CRAMP1: variants seen among roughly 807,000 people sequenced by gnomAD.
CRAMP1 encodes cramped chromatin regulator 1.
In CRAMP1, 50 loss-of-function variants were observed where a neutral mutation model predicts 115.4. The ratio of observed to expected loss-of-function variants is 0.43; its 90% CI spans 0.35 to 0.55. The LOEUF is 0.55. CRAMP1 is among the 20% of genes least tolerant of loss of function. The pLI is 0.01. For missense variants in CRAMP1, 1,679 were observed against 1,721.7 expected (o/e 0.98, Z 0.44); for synonymous variants, 866 against 745.4 (o/e 1.16, Z -2.64).
In CRAMP1 at chr16:1,653,133, C is replaced by T; in HGVS notation, c.1014C>T (p.Ser338=). Residue 338 remains serine, a synonymous_variant, in exon 8 of 21, where the codon AGC becomes AGT. Coordinates refer to ENST00000397412, the MANE Select transcript of CRAMP1 (RefSeq NM_020825.4). ...RNNHAWARVQ[S]LAQNPRLRMI... is the part of the protein sequence containing the mutation. The stretch of plus-strand genomic sequence containing the variant: ...ACCACGCCTGGGCCCGTGTGCAGAG[C>T]CTTGCCCAGAACCCACGCCTCAGGT... 1 of 1,610,430 alleles carries T rather than the reference C, an allele frequency of 6.2e-7. No homozygotes were observed. Among genetic ancestry groups the T allele is most frequent in the South Asian group, 1.1e-5 (1 of 90,286 alleles).
rs1005767706 is a variant in CRAMP1 at position 1,614,604 on chromosome 16, C to T, written c.-1-35C>T. 9 of 1,201,806 alleles carry T rather than the reference C, an allele frequency of 7.5e-6. No individual in the cohort carries two copies. Among genetic ancestry groups the T allele is most frequent in the Non-Finnish European group, 9.4e-6 (9 of 959,790 alleles). The allele number at this position is 1,201,806 out of a possible 1,614,324, so 74.4% of individuals were successfully genotyped here. ...GCCGCTAAACTTCCCGGCCTGCGCC[C>T]GCCTCACCGGCCGCCTCCCCTCTCC... On this transcript the variant is annotated intron_variant, in intron 1 of 20. Coordinates refer to ENST00000397412, the MANE Select transcript of CRAMP1 (RefSeq NM_020825.4). The surrounding 1 kb of genome is among the most constrained non-coding windows in gnomAD (Gnocchi z 4.4).
rs1326132020 is a variant in CRAMP1 at position 1,671,264 on chromosome 16, T to C, written c.3645+455T>C. Among the ~76,000 whole-genome samples, 1 of 152,180 alleles carries C rather than the reference T, an allele frequency of 6.6e-6. No individual in the cohort carries two copies. Among genetic ancestry groups the C allele is most frequent in the Non-Finnish European group, 1.5e-5 (1 of 68,028 alleles). On this transcript the variant is annotated intron_variant, in intron 20 of 20. Coordinates refer to ENST00000397412, the MANE Select transcript of CRAMP1 (RefSeq NM_020825.4). This position sits in a 1 kb window ranked among gnomAD's most constrained non-coding sequence, Gnocchi z 5.0. ...GTGGCATCTCCCTGTCATGTTGAGC[T>C]GCGGTGCAGGGGAACTGGGATGGGC...
At chr16:1,628,644 G>A (rs1319819531) in intron 3 of CRAMP1, among the ~76,000 whole-genome samples, 1 of 152,230 alleles carries the variant, frequency 6.6e-6, no homozygotes, top group Non-Finnish European at 1.5e-5. Flanking sequence ...CCGGTGGCAG[G>A]TGTGACTGTG....
intron 4 of CRAMP1, among the ~76,000 whole-genome samples, chr16:1,637,546 T>A (rs2036598435): frequency 6.6e-6 from 1 of 152,224 alleles, no homozygotes; most frequent in Non-Finnish European, 1.5e-5. Context: ...TACCAGCTGT[T>A]CTGAGTGTTG....
intron 3 of CRAMP1, among the ~76,000 whole-genome samples, chr16:1,630,255 G>A (rs978697578): frequency 1.3e-5 from 2 of 151,882 alleles, no homozygotes; most frequent in African/African-American, 2.4e-5. Context: ...CTCAAGTGAC[G>A]ATCCTCCTGC....
intron 2 of CRAMP1, among the ~76,000 whole-genome samples, chr16:1,619,971 C>T (rs1295712340): frequency 1.3e-5 from 2 of 152,160 alleles, no homozygotes; most frequent in South Asian, 4.1e-4. Context: ...GTTTGCTCAC[C>T]GACTGCCTGT....
rs1394182390 is a variant in CRAMP1 at position 1,656,785 on chromosome 16, G to C, written c.2028G>C (p.Glu676Asp). The C allele has an allele frequency of 1.9e-6, 3 of 1,548,124 alleles. No homozygotes were observed. Among genetic ancestry groups the C allele is most frequent in the Non-Finnish European group, 2.6e-6 (3 of 1,145,168 alleles). The change falls in exon 10 of 21, where the codon GAG (glutamate) becomes GAC (aspartate). Residue 676 changes from glutamate to aspartate, a missense_variant. Around this residue, in one of 8 missense-constraint regions of CRAMP1, gnomAD observed 405 missense variants for 302.6 expected, o/e 1.34. Transcript: ENST00000397412. This position sits in a 1 kb window ranked among gnomAD's most constrained non-coding sequence, Gnocchi z 5.6. ...ASRLAQQLRE[E>D]GWNLQTSESL... ...GGCTGGCTCAGCAGCTCCGTGAGGA[G>C]GGCTGGAACCTGCAGACCTCCGAAA...
At chr16:1,660,146 G>T in intron 11 of CRAMP1, 83 bp downstream of exon 11, 1 of 1,248,908 alleles carries the variant, frequency 8.0e-7, no homozygotes, top group Non-Finnish European at 1.1e-6. Flanking sequence ...GAAGCTGAGA[G>T]CACAGGTGTG....
chr16:1,621,063 G>T (rs558771626), intron 2 of CRAMP1, among the ~76,000 whole-genome samples: 4 of 152,190 alleles, frequency 2.6e-5, no homozygotes, highest in Middle Eastern at 3.2e-3. Context: ...TTAAATACAG[G>T]TTCTGTTACT....
At chr16:1,668,650 C>G (rs2036896268) in intron 18 of CRAMP1, among the ~76,000 whole-genome samples, 1 of 152,192 alleles carries the variant, frequency 6.6e-6, no homozygotes, top group African/African-American at 2.4e-5. Context: ...GATATGAGTT[C>G]ACAGTGTGCT....
At chr16:1,649,416 A>G (rs2036703949) in intron 6 of CRAMP1, among the ~76,000 whole-genome samples, 1 of 152,258 alleles carries the variant, frequency 6.6e-6, no homozygotes, top group Admixed American at 6.5e-5. Flanking sequence ...TTCCATAGCT[A>G]CTGAAACCCA....
chr16:1,612,437 T>C lies in CRAMP1; in HGVS notation c.-222T>C, dbSNP rs902450651. The C allele has an allele frequency of 1.4e-4, 21 of 151,250 alleles. No individual in the cohort carries two copies. The highest frequency in any genetic ancestry group is 5.1e-4 in the African/African-American group (21 of 41,328). The allele number at this position is 151,250 out of a possible 1,614,324, so 9.4% of individuals were successfully genotyped here. ...GCTTCGCTAGGGTGAGTGGCGGCAG[T>C]ATCTGCGTCCGCAGCCCCCGCAGCC... On this transcript the variant is annotated 5_prime_UTR_variant, in exon 1 of 21. Transcript: ENST00000397412.
intron 2 of CRAMP1, among the ~76,000 whole-genome samples, chr16:1,617,270 C>T (rs1317917532): frequency 2.0e-5 from 3 of 152,190 alleles, no homozygotes; most frequent in African/African-American, 4.8e-5. Context: ...GCTGCCTGTC[C>T]GCTGCTCTCT....
intron 19 of CRAMP1, 60 bp from the exon 20 acceptor site, chr16:1,670,604 G>A (rs561726746): frequency 9.6e-5 from 152 of 1,583,264 alleles, no homozygotes; most frequent in Non-Finnish European, 1.3e-4. Context: ...GGACCCTTCC[G>A]CTGGACTGGT....
Position 1,667,396 on chromosome 16 carries a change from T to C in CRAMP1, c.3098T>C (p.Phe1033Ser). 1 of 1,612,208 alleles carries C rather than the reference T, an allele frequency of 6.2e-7. No individual in the cohort carries two copies. Among genetic ancestry groups the C allele is most frequent in the Non-Finnish European group, 8.5e-7 (1 of 1,179,414 alleles). Residue 1033 changes from phenylalanine (F) to serine (S), a missense_variant, in exon 17 of 21, where the codon TTC (phenylalanine) becomes TCC (serine). Physicochemically the swap from Phe to Ser is radical, Grantham distance 155. Coordinates refer to ENST00000397412, the MANE Select transcript of CRAMP1 (RefSeq NM_020825.4). Reference sequence around the variant, plus strand: ...GAGCAGGAGCCAGTGGCAGACAGTTTCCAGGTAGAGTGTGCTCTTGGGCTG... The same window carrying C: ...GAGCAGGAGCCAGTGGCAGACAGTTCCCAGGTAGAGTGTGCTCTTGGGCTG... ...RPEQEPVADSFQGSSVLSLSE... is the reference protein window; with the variant it reads ...RPEQEPVADSSQGSSVLSLSE...
intron 3 of CRAMP1, among the ~76,000 whole-genome samples, chr16:1,626,392 G>A (rs2036508571): frequency 6.6e-6 from 1 of 152,216 alleles, no homozygotes; most frequent in African/African-American, 2.4e-5. Flanking sequence ...TGTCTGTGAG[G>A]AGGTGTTTTT....
In CRAMP1 at chr16:1,614,652, T is replaced by C; in HGVS notation, c.13T>C (p.Leu5=). 2 of 1,278,278 alleles carry C rather than the reference T, an allele frequency of 1.6e-6. No homozygotes were observed. Among genetic ancestry groups the C allele is most frequent in the South Asian group, 2.7e-5 (1 of 37,066 alleles). The allele number at this position is 1,278,278 out of a possible 1,614,324, so 79.2% of individuals were successfully genotyped here. A position where few individuals can be genotyped will look rare whatever the true frequency, so the allele number is the denominator to read the frequency against. Residue 5 remains leucine, a synonymous_variant, in exon 2 of 21, where the codon TTG becomes CTG. Transcript: ENST00000397412. This position sits in a 1 kb window ranked among gnomAD's most constrained non-coding sequence, Gnocchi z 4.4. MTVK[L]GDGGSGEDGL... ...TCCCGGCCGCAGGATGACAGTGAAG[T>C]TGGGCGACGGCGGCAGCGGGGAGGA...
rs137995566 is a variant in CRAMP1, at chr16:1,661,271, G to A, written c.2413+1208G>A. On this transcript the variant is annotated intron_variant, in intron 11 of 20. Transcript: ENST00000397412. ...CAGGAGTTCAAGGCCGCACTGAGCC[G>A]TGATTGTGCCACTGCACTCCAGCCT... Among the ~76,000 whole-genome samples the A allele has an allele frequency of 5.2e-3, 797 of 152,270 alleles. 2 individuals carry two copies. Among genetic ancestry groups the A allele is most frequent in the Middle Eastern group, 0.01 (3 of 294 alleles).
At chr16:1,632,890 A>G (rs540626516) in intron 4 of CRAMP1, among the ~76,000 whole-genome samples, 1 of 152,292 alleles carries the variant, frequency 6.6e-6, no homozygotes, top group South Asian at 2.1e-4. Context: ...CCCTTTGGCT[A>G]CTGGTGGCTT....
Sources: gnomAD v4.1 joint callset for allele counts (sites outside exome capture counted in the v4.1 genomes callset) on GRCh38, gnomAD v4.1.1 for gene constraint, gnomAD v4.1.1 regional missense constraint, Gnocchi (gnomAD v3.1) non-coding constraint, MANE v1.5 for transcripts, NCBI Gene and HGNC (gene_info 2026-07-23, HGNC 2026-07-21) for gene names.